STAB2: variants seen among roughly 807,000 people sequenced by gnomAD.
STAB2 encodes the protein stabilin-2.
A neutral mutation model predicts 338.1 loss-of-function variants in STAB2; 288 were observed. The observed-to-expected ratio is 0.85, with a 90% CI of 0.77 to 0.94. STAB2 has a LOEUF of 0.94. Among genes scored for constraint, STAB2 ranks in the 40% least tolerant of loss-of-function variants. The probability of loss-of-function intolerance (pLI) is 0.00; values close to 1 mark genes in which losing one functional copy is unlikely to be tolerated. For synonymous variants in STAB2, 1,202 were observed against 1,193.3 expected (o/e 1.01, Z -0.15); for missense variants, 3,141 against 3,210.1 (o/e 0.98, Z 0.52).
At chr12:103,757,358 G>C (rs1884209611) in intron 63 of STAB2, among the ~76,000 whole-genome samples, 1 of 152,186 alleles carries the variant, frequency 6.6e-6, no homozygotes, top group South Asian at 2.1e-4. Flanking sequence ...AAAGTGCTGG[G>C]ATTATAGGTG....
chr12:103,590,779 T>C (rs1476171932), intron 1 of STAB2, 118 bp from the exon 2 acceptor site: 2 of 1,214,412 alleles, frequency 1.6e-6, no homozygotes, highest in East Asian at 4.7e-5. Flanking sequence ...CTTATCACCA[T>C]CCCTGACGTT....
At position 103,728,824 on chromosome 12, in the gene STAB2, G is replaced by A. The variant is rs535410831; in HGVS notation, c.4936-25G>A. On this transcript the variant is annotated intron_variant, in intron 47 of 68. Coordinates refer to ENST00000388887, the MANE Select transcript of STAB2 (RefSeq NM_017564.10). ...CAGCAAAAGACTCCTGCCTCTGGCT[G>A]AAACCCTCTGATCTTCTGTTACAGG... The A allele has an allele frequency of 6.8e-6, 11 of 1,612,704 alleles. No homozygotes were observed. In the East Asian group the frequency reaches 2.2e-4, roughly 33 times the overall value.
chr12:103,750,555 T>C (rs1190786812), intron 59 of STAB2, 24 bp from the exon 60 acceptor site: 3 of 1,611,404 alleles, frequency 1.9e-6, no homozygotes, highest in Non-Finnish European at 2.5e-6. Flanking sequence ...AACTTTTTCA[T>C]CTCTTCCCAC....
chr12:103,685,163 C>G, intron 27 of STAB2, 79 bp downstream of exon 27: 1 of 1,291,550 alleles, frequency 7.7e-7, no homozygotes, highest in Non-Finnish European at 1.1e-6. Flanking sequence ...TTAAAGTGAT[C>G]TATTGACATA....
Position 103,740,617 on chromosome 12 carries a change from T to C in STAB2, c.5755-13T>C. The C allele has an allele frequency of 6.2e-7, 1 of 1,610,476 alleles. No individual in the cohort carries two copies. Among genetic ancestry groups the C allele is most frequent in the Non-Finnish European group, 8.5e-7 (1 of 1,178,552 alleles). On this transcript the variant is annotated splice_polypyrimidine_tract_variant and intron_variant, in intron 54 of 68. Transcript: ENST00000388887. ...AGTGGTAAGTGAAGGGATGGTCCAC[T>C]CTCTTCCCTTAGGGTGTGAAGCAGA...
At chr12:103,716,014 T>C in intron 43 of STAB2, 126 bp downstream of exon 43, 10 of 1,014,018 alleles carry the variant, frequency 9.9e-6, no homozygotes, top group South Asian at 9.7e-5. Flanking sequence ...ATAAATACTT[T>C]AGGGGAAATT....
At position 103,655,519 on chromosome 12, in the gene STAB2, C is replaced by A. The variant is rs778645418; in HGVS notation, c.1672C>A (p.Pro558Thr). The A allele has an allele frequency of 1.2e-6, 2 of 1,613,940 alleles. No homozygotes were observed. The highest frequency in any genetic ancestry group is 1.7e-6 in the Non-Finnish European group (2 of 1,180,008). ...GVGGPYTIFV[P>T]NNEALNNMKD... ...TGGTGGACCATACACCATTTTTGTT[C>A]CAAATAATGAAGCATTGAATAACAT... Residue 558 changes from proline (P) to threonine (T), a missense_variant, in exon 15 of 69, where the codon CCA becomes ACA. Pro to Thr is a conservative substitution (Grantham distance 38). Coordinates refer to ENST00000388887, the MANE Select transcript of STAB2 (RefSeq NM_017564.10).
At chr12:103,680,716 G>T (rs757399784) in intron 25 of STAB2, among the ~76,000 whole-genome samples, 1 of 152,236 alleles carries the variant, frequency 6.6e-6, no homozygotes, top group Non-Finnish European at 1.5e-5. Context: ...CCAAGGCCCT[G>T]CACCTCACCC....
intron 20 of STAB2, 102 bp from the exon 21 acceptor site, chr12:103,669,439 C>T (rs1045137475): frequency 1.1e-5 from 11 of 1,021,192 alleles, no homozygotes; most frequent in Middle Eastern, 2.1e-4. Context: ...TAAGGAGAGG[C>T]GAATATGGCT....
intron 17 of STAB2, among the ~76,000 whole-genome samples, chr12:103,661,323 C>A (rs191675701): frequency 2.6e-5 from 4 of 152,004 alleles, no homozygotes; most frequent in African/African-American, 9.6e-5. Context: ...ATTCATCTAA[C>A]TCCCTGGGGT....
intron 64 of STAB2, 117 bp downstream of exon 64, chr12:103,758,406 T>C (rs1593351269): frequency 6.6e-7 from 1 of 1,511,156 alleles, no homozygotes; most frequent in East Asian, 2.3e-5. Context: ...AGCTCACAGA[T>C]CATCTGCAGA....
chr12:103,756,997 ATATATATATATAT>A lies in STAB2; in HGVS notation c.6988-1172_6988-1160del, dbSNP rs1418929332. 6.9e-4 allele frequency among the ~76,000 whole-genome samples: 90 copies of A among 130,150 alleles called. 1 individual carries two copies. Among genetic ancestry groups the A allele is most frequent in the East Asian group, 6.3e-3 (26 of 4,148 alleles). 85.4% of individuals were successfully genotyped at this position (130,150 alleles called of 152,430 possible). Reference sequence around the variant, plus strand: ...CCTCAGTAGCCCAGAAGGAGGGAAAATATATATATATATATATATATATATATATATATAAAAT... The same window carrying A: ...CCTCAGTAGCCCAGAAGGAGGGAAAAATATATATATATATATATATAAAAT... On this transcript the variant is annotated intron_variant, in intron 63 of 68. Coordinates refer to ENST00000388887, the MANE Select transcript of STAB2 (RefSeq NM_017564.10).
intron 63 of STAB2, among the ~76,000 whole-genome samples, chr12:103,757,181 T>G (rs1035681394): frequency 2.0e-5 from 3 of 151,762 alleles, no homozygotes; most frequent in African/African-American, 7.3e-5. Context: ...CTCAACCTCC[T>G]GGGCTCAAGG....
intron 34 of STAB2, among the ~76,000 whole-genome samples, chr12:103,701,104 T>G (rs1878829723): frequency 6.6e-6 from 1 of 150,582 alleles, no homozygotes; most frequent in Non-Finnish European, 1.5e-5. Context: ...ATATGCGGTG[T>G]TTGGTTTTTT....
intron 66 of STAB2, 63 bp from the exon 67 acceptor site, chr12:103,762,211 G>A (rs1338606969): frequency 1.3e-6 from 2 of 1,596,612 alleles, no homozygotes; most frequent in Admixed American, 1.8e-5. Context: ...GGGCCACCAA[G>A]GGTTCCCCTT....
At chr12:103,647,794 A>G (rs919783704) in intron 9 of STAB2, among the ~76,000 whole-genome samples, 8 of 152,186 alleles carry the variant, frequency 5.3e-5, no homozygotes, top group African/African-American at 1.9e-4. Flanking sequence ...CTGATAGTAC[A>G]TTTTTAACTC....
intron 6 of STAB2, among the ~76,000 whole-genome samples, chr12:103,632,150 T>C (rs1449619091): frequency 6.6e-6 from 1 of 152,170 alleles, no homozygotes; most frequent in Non-Finnish European, 1.5e-5. Flanking sequence ...GCCACACAAC[T>C]AGGAGAGCTG....
At chr12:103,670,999 CAG>C in intron 22 of STAB2, among the ~76,000 whole-genome samples, 192 bp downstream of exon 22, 1 of 152,286 alleles carries the variant, frequency 6.6e-6, no homozygotes, top group East Asian at 1.9e-4. Flanking sequence ...GCCCCACCTG[CAG>C]AGTTTCTGAT....
intron 3 of STAB2, among the ~76,000 whole-genome samples, chr12:103,605,503 T>C (rs1957014349): frequency 6.6e-6 from 1 of 151,996 alleles, no homozygotes; most frequent in South Asian, 2.1e-4. Context: ...ATAAGAAATA[T>C]GATTCAATAT....
Sources: allele counts gnomAD v4.1 joint callset (sites outside exome capture counted in the v4.1 genomes callset), GRCh38; gene constraint gnomAD v4.1.1; transcripts MANE v1.5; gene names NCBI Gene and HGNC (gene_info 2026-07-23, HGNC 2026-07-21).